GCNT1: variants seen among roughly 807,000 people sequenced by gnomAD.
GCNT1 encodes beta-1,3-galactosyl-O-glycosyl-glycoprotein beta-1,6-N-acetylglucosaminyltransferase.
GCNT1 carries 16 observed loss-of-function variants against 26.2 expected under a neutral mutation model. The observed-to-expected ratio is 0.61, with a 90% CI of 0.41 to 0.93. The LOEUF (loss-of-function observed/expected upper bound fraction) is 0.93. Among genes scored for constraint, GCNT1 ranks in the 40% least tolerant of loss-of-function variants. The pLI is 0.00. For missense variants in GCNT1, 477 were observed against 526.7 expected (o/e 0.91, Z 0.92); for synonymous variants, 183 against 190.8 (o/e 0.96, Z 0.34).
At chr9:76,497,294 C>G (rs1824933205) in intron 2 of GCNT1, among the ~76,000 whole-genome samples, 1 of 152,142 alleles carries the variant, frequency 6.6e-6, no homozygotes. Flanking sequence ...CTTTAAACTT[C>G]TTTTCTTCTT....
chr9:76,483,401 G>A (rs978790683), intron 2 of GCNT1, among the ~76,000 whole-genome samples: 6 of 132,216 alleles, frequency 4.5e-5, no homozygotes, highest in Admixed American at 1.5e-4. Flanking sequence ...TATTAAGGAG[G>A]GGTTTTTTTT....
At position 76,502,496 on chromosome 9, in the gene GCNT1, G is replaced by A. The variant is rs765275805; in HGVS notation, c.115G>A (p.Glu39Lys). The A allele has an allele frequency of 1.9e-5, 31 of 1,613,912 alleles. No individual in the cohort carries two copies. Among genetic ancestry groups the A allele is most frequent in the Admixed American group, 3.3e-5 (2 of 60,028 alleles). ...CGTTTTAAGGATTCATCAAAAGCCT[G>A]AATTTGTAAGTGTCAGACACTTGGA... ...FSVLRIHQKPEFVSVRHLELA... is the reference protein window; with the variant it reads ...FSVLRIHQKPKFVSVRHLELA... Residue 39 changes from glutamate to lysine, a missense_variant, in exon 4 of 4, where the codon GAA (glutamate) becomes AAA (lysine). Physicochemically the swap from Glu to Lys is moderately conservative, Grantham distance 56. Transcript: ENST00000376730.
intron 1 of GCNT1, among the ~76,000 whole-genome samples, chr9:76,443,298 C>CA (rs1823509303): frequency 6.6e-6 from 1 of 152,210 alleles, no homozygotes; most frequent in Non-Finnish European, 1.5e-5. Flanking sequence ...TCAGGGGTCT[C>CA]ACAGCCTTCA....
intron 2 of GCNT1, among the ~76,000 whole-genome samples, chr9:76,472,328 C>T (rs1360657547): frequency 1.3e-5 from 2 of 152,176 alleles, no homozygotes; most frequent in African/African-American, 4.8e-5. Context: ...ACTGACACCA[C>T]AAAGAAATGT....
the GCNT1 span, among the ~76,000 whole-genome samples, chr9:76,397,733 C>T: frequency 1.3e-5 from 2 of 152,148 alleles, no homozygotes; most frequent in African/African-American, 4.8e-5. Flanking sequence ...CATTTTCCAC[C>T]ACCGCTCAAT....
chr9:76,406,688 G>A, the GCNT1 span, among the ~76,000 whole-genome samples: 60 of 149,498 alleles, frequency 4.0e-4, no homozygotes, highest in South Asian at 7.3e-3. Flanking sequence ...GCAACAGAGC[G>A]AGACTCCATC....
At chr9:76,472,412 A>G (rs1824150111) in intron 2 of GCNT1, among the ~76,000 whole-genome samples, 1 of 152,228 alleles carries the variant, frequency 6.6e-6, no homozygotes, top group South Asian at 2.1e-4. Context: ...GGAATGCAGT[A>G]GAGCGTGAAA....
intron 2 of GCNT1, among the ~76,000 whole-genome samples, chr9:76,485,118 A>C (rs1441460392): frequency 1.3e-5 from 2 of 151,728 alleles, no homozygotes; most frequent in African/African-American, 4.8e-5. Flanking sequence ...ACTTGTTGGC[A>C]TATTTTACTC....
In GCNT1 at chr9:76,500,973, C is replaced by T. The variant is rs978288635; in HGVS notation, c.-232C>T. ...TCGCTGGATGCCCGGACATGTAATA[C>T]ACCTGACAGCATGTGAAGTGCTCAG... is the stretch of plus-strand genomic sequence containing the variant. On this transcript the variant is annotated 5_prime_UTR_variant, in exon 3 of 4. Transcript: ENST00000376730. 1.3e-5 allele frequency: 2 copies of T among 152,196 alleles called. No individual in the cohort carries two copies. Among genetic ancestry groups the T allele is most frequent in the Non-Finnish European group, 2.9e-5 (2 of 68,048 alleles). The allele number at this position is 152,196 out of a possible 1,614,324, so 9.4% of individuals were successfully genotyped here. A position where few individuals can be genotyped will look rare whatever the true frequency, so the allele number is the denominator to read the frequency against.
the GCNT1 span, among the ~76,000 whole-genome samples, chr9:76,400,830 C>G: frequency 6.6e-6 from 1 of 152,128 alleles, no homozygotes; most frequent in Non-Finnish European, 1.5e-5. Flanking sequence ...AAATGTCTAG[C>G]TAGGGAGAGT....
upstream of GCNT1, among the ~76,000 whole-genome samples, chr9:76,418,638 C>T (rs996115597): frequency 2.0e-5 from 3 of 152,130 alleles, no homozygotes; most frequent in Admixed American, 1.3e-4. Context: ...GGTAGGATTA[C>T]CCAATAACCC....
chr9:76,395,657 G>A, the GCNT1 span, among the ~76,000 whole-genome samples: 3 of 152,056 alleles, frequency 2.0e-5, no homozygotes, highest in Admixed American at 1.3e-4. Context: ...AAGTGAAAGG[G>A]AAGAAAAGGG....
chr9:76,503,327 T>C lies in GCNT1; in HGVS notation c.946T>C (p.Tyr316His). ...GTTGATGGAGTGGGCACAAGACACA[T>C]ACAGCCCTGATGAGTATCTCTGGGC... Reference protein sequence around the residue: ...QKLMEWAQDTYSPDEYLWATI... With the variant: ...QKLMEWAQDTHSPDEYLWATI... Residue 316 changes from tyrosine to histidine, a missense_variant, in exon 4 of 4, where the codon TAC becomes CAC. Physicochemically the swap from Tyr to His is moderately conservative, Grantham distance 83. Coordinates refer to ENST00000376730, the MANE Select transcript of GCNT1 (RefSeq NM_001490.5). The C allele has an allele frequency of 6.2e-7, 1 of 1,614,090 alleles. No homozygotes were observed. Among genetic ancestry groups the C allele is most frequent in the Non-Finnish European group, 8.5e-7 (1 of 1,179,988 alleles).
At chr9:76,486,174 G>A (rs11144924) in intron 2 of GCNT1, among the ~76,000 whole-genome samples, 31,974 of 152,122 alleles carry the variant, frequency 0.21, 4,617 homozygotes, top group East Asian at 0.56. Context: ...TTCCTTATCT[G>A]GAAAATAATA....
At chr9:76,443,533 C>T (rs140254002) in intron 1 of GCNT1, among the ~76,000 whole-genome samples, 4,718 of 152,252 alleles carry the variant, frequency 0.031, 98 homozygotes, top group Non-Finnish European at 0.048. Context: ...TGCCTTTAAG[C>T]GGTTTTCCAC....
intron 2 of GCNT1, among the ~76,000 whole-genome samples, chr9:76,494,405 A>G (rs1265044255): frequency 2.0e-5 from 3 of 152,160 alleles, no homozygotes; most frequent in Admixed American, 2.0e-4. Context: ...GTGGAGGGCC[A>G]TACCCTGAGG....
the GCNT1 span, among the ~76,000 whole-genome samples, chr9:76,409,354 GGC>G: frequency 6.6e-6 from 1 of 152,056 alleles, no homozygotes; most frequent in Non-Finnish European, 1.5e-5. Context: ...TGGTTAGCCT[GGC>G]TAGAGGCTTA....
At chr9:76,431,269 C>T (rs1464964259) in intron 1 of GCNT1, among the ~76,000 whole-genome samples, 1 of 152,110 alleles carries the variant, frequency 6.6e-6, no homozygotes, top group Non-Finnish European at 1.5e-5. Context: ...AGGCTCAATC[C>T]TCCACAAGAC....
chr9:76,499,769 A>G (rs777121792), intron 2 of GCNT1, among the ~76,000 whole-genome samples: 26 of 152,304 alleles, frequency 1.7e-4, no homozygotes, highest in African/African-American at 5.8e-4. Context: ...GCTGTTATTA[A>G]TATCTTACAT....
Sources: gnomAD v4.1 joint callset for allele counts (sites outside exome capture counted in the v4.1 genomes callset) on GRCh38, gnomAD v4.1.1 for gene constraint, MANE v1.5 for transcripts, NCBI Gene and HGNC (gene_info 2026-07-23, HGNC 2026-07-21) for gene names.